Variants in TLN2 observed in about 807,000 individuals in gnomAD.
The protein encoded by TLN2 is talin 2.
TLN2 carries 118 observed loss-of-function variants against 294.7 expected under a neutral mutation model. The observed-to-expected ratio is 0.40, with a 90% CI of 0.34 to 0.47. The LOEUF is 0.47. Among genes scored for constraint, TLN2 ranks in the 20% least tolerant of loss-of-function variants. TLN2 has a pLI of 0.84. For missense variants in TLN2, 3,083 were observed against 3,282.2 expected (o/e 0.94, Z 1.48); for synonymous variants, 1,431 against 1,304.5 (o/e 1.10, Z -2.09).
At chr15:62,411,430 TG>T (rs138306990) in intron 1 of TLN2, among the ~76,000 whole-genome samples, 2 of 8,722 alleles carry the variant, frequency 2.3e-4, no homozygotes, top group African/African-American at 4.1e-4. Flanking sequence ...GAGTAATGGA[TG>T]TGTGTGTGTG....
rs1260597665 is a variant in TLN2 at position 62,686,671 on chromosome 15, C to G, written c.988C>G (p.Pro330Ala). 19 of 1,613,680 alleles carry G rather than the reference C, an allele frequency of 1.2e-5. No individual in the cohort carries two copies. Among genetic ancestry groups the G allele is most frequent in the Non-Finnish European group, 1.6e-5 (19 of 1,179,866 alleles). ...GATGAAAGGCAAGAACAAGCTGGTG[C>G]CTCGCCTGCTGGGGATCACCAAAGA... ...EKMKGKNKLV[P>A]RLLGITKDSV... is the part of the protein sequence containing the mutation. Residue 330 changes from proline to alanine, a missense_variant, in exon 12 of 59, where the codon CCT becomes GCT. Physicochemically the swap from Pro to Ala is conservative, Grantham distance 27 (BLOSUM62 -1). Transcript: ENST00000636159.
At position 62,838,979 on chromosome 15, in the gene TLN2, C is replaced by T; in HGVS notation, c.7498C>T (p.Gln2500Ter). 6.2e-7 allele frequency: 1 copy of T among 1,613,990 alleles called. No homozygotes were observed. Among genetic ancestry groups the T allele is most frequent in the Non-Finnish European group, 8.5e-7 (1 of 1,179,956 alleles). Residue 2500 changes from glutamine (Q) to a stop codon, truncating the protein, a stop_gained and splice_region_variant, in exon 58 of 59, where the codon CAG becomes TAG. Coordinates refer to ENST00000636159, the MANE Select transcript of TLN2 (RefSeq NM_015059.3). LOFTEE classifies it high-confidence loss of function. ...VKTKFVGGIAQIIAAQEEMLK... is the reference protein window; with the variant it reads ...VKTKFVGGIA ...AACCAAGTTTGTGGGGGGCATTGCT[C>T]AGGTTTGTAATTAAATCAAGAATAG... is the stretch of plus-strand genomic sequence containing the variant.
At chr15:62,800,001 G>A (rs1272659426) in intron 48 of TLN2, among the ~76,000 whole-genome samples, 2 of 152,230 alleles carry the variant, frequency 1.3e-5, no homozygotes, top group Non-Finnish European at 2.9e-5. Context: ...GGTCAGGTGG[G>A]GATTTTTACT....
chr15:62,460,011 G>C (rs529568955), intron 1 of TLN2, among the ~76,000 whole-genome samples: 1 of 152,308 alleles, frequency 6.6e-6, no homozygotes, highest in Non-Finnish European at 1.5e-5. Context: ...ATGTGATCCA[G>C]GACCTCAGCT....
chr15:62,682,647 T>C (rs1390482274), intron 11 of TLN2, among the ~76,000 whole-genome samples: 1 of 152,190 alleles, frequency 6.6e-6, no homozygotes, highest in Non-Finnish European at 1.5e-5. Context: ...CTGCCTCATA[T>C]AAATCTCCAT....
chr15:62,410,501 CT>C (rs1310509840), intron 1 of TLN2, among the ~76,000 whole-genome samples: 1 of 152,140 alleles, frequency 6.6e-6, no homozygotes, highest in Admixed American at 6.5e-5. Flanking sequence ...TTTAGCCATG[CT>C]TTTTGTGAAT....
chr15:62,460,889 C>T (rs909977373), intron 1 of TLN2, among the ~76,000 whole-genome samples: 18 of 151,990 alleles, frequency 1.2e-4, no homozygotes, highest in South Asian at 2.1e-4. Flanking sequence ...GCTGGTGCAC[C>T]GCCTTCCCAC....
At chr15:62,580,810 A>G (rs2044903657) in intron 1 of TLN2, among the ~76,000 whole-genome samples, 1 of 151,850 alleles carries the variant, frequency 6.6e-6, no homozygotes, top group South Asian at 2.1e-4. Context: ...TCACTGCCCA[A>G]AAAATCCTCA....
chr15:62,416,578 T>G (rs554721614), intron 1 of TLN2, among the ~76,000 whole-genome samples: 11 of 152,286 alleles, frequency 7.2e-5, no homozygotes, highest in Admixed American at 5.2e-4. Context: ...GGTTTGCAAT[T>G]TGGAGTCAGG....
intron 1 of TLN2, among the ~76,000 whole-genome samples, chr15:62,576,282 A>G (rs2044391327): frequency 6.6e-6 from 1 of 152,210 alleles, no homozygotes; most frequent in Admixed American, 6.5e-5. Flanking sequence ...AAAAATAAAT[A>G]AAAATAAAAA....
At chr15:62,658,099 A>G (rs945115237) in intron 9 of TLN2, 1 of 474,004 alleles carries the variant, frequency 2.1e-6, no homozygotes, top group East Asian at 3.7e-5. Context: ...CTTTTGCTGA[A>G]TAGAAATTCA....
In TLN2 at chr15:62,783,801, T is replaced by A; in HGVS notation, c.5647T>A (p.Leu1883Met). 1 of 1,609,646 alleles carries A rather than the reference T, an allele frequency of 6.2e-7. No homozygotes were observed. Among genetic ancestry groups the A allele is most frequent in the Non-Finnish European group, 8.5e-7 (1 of 1,176,440 alleles). Residue 1883 changes from leucine to methionine, a missense_variant, in exon 45 of 59, where the codon TTG (leucine) becomes ATG (methionine). By Grantham distance (15) the Leu-to-Met change is conservative. Transcript: ENST00000636159. ...TAAGTCGGTTACTAACCCGGAGGAGTTGGGAGGACTGGCTTCACAAATGAC... is the reference window on the plus strand; with the variant it reads ...TAAGTCGGTTACTAACCCGGAGGAGATGGGAGGACTGGCTTCACAAATGAC... The part of the protein sequence containing the change: ...MTKSVTNPEE[L>M]GGLASQMTSD...
intron 1 of TLN2, among the ~76,000 whole-genome samples, chr15:62,508,511 G>A (rs535067914): frequency 1.2e-4 from 19 of 152,202 alleles, no homozygotes; most frequent in Admixed American, 6.5e-5. Context: ...CACTGCACCC[G>A]GCCAAAGCCC....
Position 62,722,725 on chromosome 15 carries a change from A to G in TLN2, c.3126+238A>G, listed in dbSNP as rs143887252. Among the ~76,000 whole-genome samples the G allele has an allele frequency of 3.9e-3, 599 of 152,158 alleles. 4 individuals are homozygous for G. Among genetic ancestry groups the G allele is most frequent in the African/African-American group, 0.014 (585 of 41,492 alleles). ...TTCGTTGAACTATTTTGAGTTGTGT[A>G]CTTCCTCCTCCTCCTCCTCTTTCCA... On this transcript the variant is annotated intron_variant, in intron 26 of 58. Coordinates refer to ENST00000636159, the MANE Select transcript of TLN2 (RefSeq NM_015059.3).
intron 52 of TLN2, among the ~76,000 whole-genome samples, chr15:62,816,341 G>A (rs1489724425): frequency 6.6e-6 from 1 of 152,234 alleles, no homozygotes; most frequent in Non-Finnish European, 1.5e-5. Flanking sequence ...AACTATCACA[G>A]TTCAATATTT....
chr15:62,503,909 C>CTGTA (rs2039442397), intron 1 of TLN2, among the ~76,000 whole-genome samples: 2 of 152,224 alleles, frequency 1.3e-5, no homozygotes, highest in South Asian at 4.2e-4. Context: ...TTTCAGTGAA[C>CTGTA]TGTACAGTAT....
At chr15:62,521,622 T>C (rs80200890) in intron 1 of TLN2, among the ~76,000 whole-genome samples, 3,553 of 152,318 alleles carry the variant, frequency 0.023, 50 homozygotes, top group Middle Eastern at 0.034. Context: ...TGTTTTGTTA[T>C]GCAGGTGAAG....
chr15:62,572,758 A>G (rs2043997702), intron 1 of TLN2, among the ~76,000 whole-genome samples: 1 of 151,990 alleles, frequency 6.6e-6, no homozygotes, highest in African/African-American at 2.4e-5. Context: ...GCCTCTCTGG[A>G]GAGGCTTTGT....
chr15:62,750,557 G>T lies in TLN2; in HGVS notation c.4209+66G>T. 3 of 1,344,426 alleles carry T rather than the reference G, an allele frequency of 2.2e-6. 1 individual carries two copies. In the South Asian group the frequency reaches 3.5e-5, roughly 16 times the overall value. The allele number at this position is 1,344,426 out of a possible 1,614,324, so 83.3% of individuals were successfully genotyped here. On this transcript the variant is annotated intron_variant, in intron 34 of 58. Coordinates refer to ENST00000636159, the MANE Select transcript of TLN2 (RefSeq NM_015059.3). The stretch of plus-strand genomic sequence containing the variant: ...TGTCAATGTGGGGAGAAGTTTAGAC[G>T]TGCCTTCTGTGCATCTGCCTGTGGC...
Sources: allele counts gnomAD v4.1 joint callset (sites outside exome capture counted in the v4.1 genomes callset), GRCh38; gene constraint gnomAD v4.1.1; transcripts MANE v1.5; gene names NCBI Gene and HGNC (gene_info 2026-07-23, HGNC 2026-07-21).